Variants in DNM3 observed in about 807,000 individuals in gnomAD.
DNM3 encodes the protein dynamin 3.
In DNM3, 47 loss-of-function variants were observed where a neutral mutation model predicts 101.6. The observed-to-expected ratio is 0.46, with a 90% CI of 0.37 to 0.59. The LOEUF is 0.59. Ranked by LOEUF, DNM3 falls within the 20% of genes least tolerant of loss-of-function variation. The pLI, the probability that DNM3 is intolerant of heterozygous loss-of-function variation, is 0.00. For synonymous variants in DNM3, 385 were observed against 387.9 expected, an observed-to-expected ratio of 0.99 and a Z score of 0.09; for missense variants, 849 against 1,085.7, an observed-to-expected ratio of 0.78 and a Z score of 3.06.
At chr1:172,347,985 A>ATGAATCAGTTATG (rs1463692223) in intron 17 of DNM3, among the ~76,000 whole-genome samples, 1 of 152,050 alleles carries the variant, frequency 6.6e-6, no homozygotes, top group African/African-American at 2.4e-5. Context: ...TTATGAAACT[A>ATGAATCAGTTATG]AAAATAACTG....
At position 172,410,111 on chromosome 1, in the gene DNM3, A is replaced by C. The variant is rs1237283233; in HGVS notation, c.*2270A>C. The C allele has an allele frequency of 3.0e-6, 3 of 985,234 alleles. No individual in the cohort carries two copies. The highest frequency in any genetic ancestry group is 3.6e-6 in the Non-Finnish European group (3 of 829,890). The allele number at this position is 985,234 out of a possible 1,614,324, so 61.0% of individuals were successfully genotyped here. ...TTTACTCCTAAGTTATTTCTCATAG[A>C]ACCCAGCCTACTCTAGAATTTCAGC... is the stretch of plus-strand genomic sequence containing the variant. On this transcript the variant is annotated 3_prime_UTR_variant, in exon 21 of 21. Coordinates refer to ENST00000627582, the MANE Select transcript of DNM3 (RefSeq NM_015569.5).
intron 17 of DNM3, among the ~76,000 whole-genome samples, chr1:172,346,754 G>A (rs555318331): frequency 7.2e-5 from 11 of 152,226 alleles, no homozygotes; most frequent in African/African-American, 2.6e-4. Flanking sequence ...AAAATGACAC[G>A]AAAGCAGGAA....
chr1:172,384,992 G>A (rs190311159), intron 18 of DNM3, among the ~76,000 whole-genome samples: 2 of 152,286 alleles, frequency 1.3e-5, no homozygotes, highest in African/African-American at 4.8e-5. Flanking sequence ...AGCCAAATTT[G>A]CTGCCTTCCC....
chr1:172,155,280 G>A (rs147927931), intron 14 of DNM3, among the ~76,000 whole-genome samples: 3 of 144,318 alleles, frequency 2.1e-5, no homozygotes, highest in East Asian at 4.3e-4. Context: ...AACTTGGTAG[G>A]CCTTGTGCTT....
intron 14 of DNM3, among the ~76,000 whole-genome samples, chr1:172,213,517 CAAAAAAAAAA>C (rs57339395): frequency 3.8e-5 from 3 of 79,380 alleles, no homozygotes; most frequent in Non-Finnish European, 7.4e-5. Flanking sequence ...TCCATTGTTA[CAAAAAAAAAA>C]AAAAAAAAAA....
chr1:172,264,329 G>A (rs2062779693), intron 15 of DNM3, among the ~76,000 whole-genome samples: 1 of 152,298 alleles, frequency 6.6e-6, no homozygotes, highest in Non-Finnish European at 1.5e-5. Context: ...GTCAGTTTAT[G>A]TATTTTAATC....
At chr1:171,998,018 C>T (rs1369176494) in intron 4 of DNM3, among the ~76,000 whole-genome samples, 1 of 152,086 alleles carries the variant, frequency 6.6e-6, no homozygotes, top group Non-Finnish European at 1.5e-5. Flanking sequence ...GGTGGCATCA[C>T]CCCAGTTTTC....
intron 2 of DNM3, among the ~76,000 whole-genome samples, chr1:171,927,623 G>A (rs780477837): frequency 2.6e-5 from 4 of 152,062 alleles, no homozygotes; most frequent in Non-Finnish European, 5.9e-5. Context: ...AAATGCCCAC[G>A]AATGACAGAT....
chr1:171,858,929 T>C (rs562566773), intron 1 of DNM3, among the ~76,000 whole-genome samples: 1 of 152,312 alleles, frequency 6.6e-6, no homozygotes, highest in South Asian at 2.1e-4. Context: ...TCTTCTGGAC[T>C]ATAACAATAG....
intron 1 of DNM3, among the ~76,000 whole-genome samples, chr1:171,877,155 TG>T (rs2035858056): frequency 6.6e-6 from 1 of 152,164 alleles, no homozygotes; most frequent in African/African-American, 2.4e-5. Context: ...CCTGAAACCA[TG>T]GGAATAAATT....
At chr1:172,329,845 C>T (rs1302109446) in intron 17 of DNM3, among the ~76,000 whole-genome samples, 1 of 152,136 alleles carries the variant, frequency 6.6e-6, no homozygotes, top group Non-Finnish European at 1.5e-5. Flanking sequence ...TAGAAGCCCT[C>T]CTAGCCCCTG....
Position 172,308,719 on chromosome 1 carries a change from T to A in DNM3, c.1770-9T>A, listed in dbSNP as rs77294277. ...CTAAAAGCATGATTTTTTTTTTTTTTAACTCCAGGAATGTATACAAAGACT... is the reference window on the plus strand; with the variant it reads ...CTAAAAGCATGATTTTTTTTTTTTTAAACTCCAGGAATGTATACAAAGACT... On this transcript the variant is annotated splice_polypyrimidine_tract_variant and intron_variant, in intron 15 of 20. Coordinates refer to ENST00000627582, the MANE Select transcript of DNM3 (RefSeq NM_015569.5). 9 of 1,469,414 alleles carry A rather than the reference T, an allele frequency of 6.1e-6. No individual in the cohort carries two copies. Among genetic ancestry groups the A allele is most frequent in the East Asian group, 2.4e-5 (1 of 41,968 alleles). The allele number at this position is 1,469,414 out of a possible 1,614,324, so 91.0% of individuals were successfully genotyped here. A position where few individuals can be genotyped will look rare whatever the true frequency, so the allele number is the denominator to read the frequency against.
intron 17 of DNM3, among the ~76,000 whole-genome samples, chr1:172,324,065 T>A (rs2065841778): frequency 6.6e-6 from 1 of 152,226 alleles, no homozygotes; most frequent in African/African-American, 2.4e-5. Context: ...TTGTTTAAAT[T>A]TTAATTCAAC....
At chr1:172,093,912 T>C (rs1385529235) in intron 13 of DNM3, among the ~76,000 whole-genome samples, 5 of 152,244 alleles carry the variant, frequency 3.3e-5, no homozygotes, top group Non-Finnish European at 5.9e-5. Flanking sequence ...CCTTCACTGC[T>C]AATAACTTGC....
intron 14 of DNM3, among the ~76,000 whole-genome samples, chr1:172,156,293 A>G (rs766713193): frequency 2.2e-4 from 33 of 152,090 alleles, no homozygotes; most frequent in Non-Finnish European, 4.3e-4. Context: ...GTTAGCCTTC[A>G]TCAGTTTTAT....
chr1:171,997,424 C>T (rs1379232030), intron 4 of DNM3, among the ~76,000 whole-genome samples: 2 of 152,108 alleles, frequency 1.3e-5, no homozygotes, highest in African/African-American at 4.8e-5. Context: ...GCTTGATTTG[C>T]TTCAGGACTA....
chr1:172,009,797 A>G (rs1572067736), intron 4 of DNM3, among the ~76,000 whole-genome samples: 1 of 151,742 alleles, frequency 6.6e-6, no homozygotes, highest in Non-Finnish European at 1.5e-5. Context: ...TATTAAATGT[A>G]TAACGGTAGA....
intron 17 of DNM3, among the ~76,000 whole-genome samples, chr1:172,331,622 G>A (rs1295355484): frequency 2.0e-5 from 3 of 152,164 alleles, no homozygotes; most frequent in Non-Finnish European, 4.4e-5. Flanking sequence ...GAAAGGCTTA[G>A]AGGTATAAAG....
At chr1:171,864,887 G>T (rs776541700) in intron 1 of DNM3, among the ~76,000 whole-genome samples, 7 of 151,576 alleles carry the variant, frequency 4.6e-5, no homozygotes, top group Non-Finnish European at 1.0e-4. Context: ...GTATAGCTTG[G>T]AGTTCCAAAT....
Sources: allele counts gnomAD v4.1 joint callset (sites outside exome capture counted in the v4.1 genomes callset), GRCh38; gene constraint gnomAD v4.1.1; transcripts MANE v1.5; gene names NCBI Gene and HGNC (gene_info 2026-07-23, HGNC 2026-07-21).